The following EP400 variants were observed in gnomAD, a reference collection of about 807,000 sequenced individuals.
EP400 encodes the protein E1A binding protein p400.
A neutral mutation model predicts 354.1 loss-of-function variants in EP400; 105 were observed. That is an observed-to-expected ratio of 0.30 (90% CI 0.25 to 0.35). The LOEUF is 0.35. Ranked by LOEUF, EP400 falls within the 10% of genes least tolerant of loss-of-function variation. EP400 has a pLI of 1.00. For missense variants in EP400, 3,280 were observed against 4,121.0 expected (o/e 0.80, Z 5.59); for synonymous variants, 1,646 against 1,716.9 (o/e 0.96, Z 1.02).
At chr12:132,064,234 A>G (rs1365978637) in intron 47 of EP400, among the ~76,000 whole-genome samples, 2 of 151,510 alleles carry the variant, frequency 1.3e-5, no homozygotes, top group Non-Finnish European at 3.0e-5. Context: ...TTCGTTCCTC[A>G]CTCTGCCCTC....
chr12:131,978,945 G>A (rs370831093), intron 2 of EP400, among the ~76,000 whole-genome samples: 3 of 151,962 alleles, frequency 2.0e-5, no homozygotes, highest in Non-Finnish European at 4.4e-5. Context: ...GGCTGGGTGC[G>A]GTGGCTCACA....
rs755904536 is a variant in EP400 at position 132,055,180 on chromosome 12, C to T, written c.7856C>T (p.Ala2619Val). The T allele has an allele frequency of 6.3e-6, 10 of 1,579,280 alleles. No individual in the cohort carries two copies. The East Asian group carries it at 1.2e-4, about 19-fold the overall frequency. ...TTCCAGTCCATCAACAAGCGCCTGGCGTCGCCAGTGGCTCCTGGGGCCTTG... is the reference window on the plus strand; with the variant it reads ...TTCCAGTCCATCAACAAGCGCCTGGTGTCGCCAGTGGCTCCTGGGGCCTTG... Reference protein sequence around the residue: ...ATFQSINKRLASPVAPGALTT... With the variant: ...ATFQSINKRLVSPVAPGALTT... Residue 2619 changes from alanine to valine, a missense_variant, in exon 45 of 53, where the codon GCG becomes GTG. This residue lies in a region of EP400 where 255 missense variants were observed against 295.9 expected (regional missense o/e 0.86). Coordinates refer to ENST00000389561, the MANE Select transcript of EP400 (RefSeq NM_015409.5).
intron 3 of EP400, among the ~76,000 whole-genome samples, 162 bp downstream of exon 3, chr12:131,979,955 G>A (rs773071002): frequency 6.6e-6 from 1 of 152,146 alleles, no homozygotes; most frequent in East Asian, 1.9e-4. Context: ...CAATATTTAC[G>A]TGAATTTTTC....
chr12:132,033,413 T>C (rs990263254), intron 30 of EP400, among the ~76,000 whole-genome samples: 1 of 152,220 alleles, frequency 6.6e-6, no homozygotes, highest in African/African-American at 2.4e-5. Context: ...GAGCACATCC[T>C]GGGCTCACCT....
In EP400 at chr12:132,054,535, G is replaced by A. The variant is rs986565604; in HGVS notation, c.7729-439G>A. On this transcript the variant is annotated intron_variant, in intron 43 of 52. Transcript: ENST00000389561. The surrounding 1 kb of genome is among the most constrained non-coding windows in gnomAD (Gnocchi z 4.0). ...CTGGCTTGTTAGGAAACACCTTTCT[G>A]AGGACTTGGCATTTGAGCTAAGGCC... Among the ~76,000 whole-genome samples, 1 of 152,198 alleles carries A rather than the reference G, an allele frequency of 6.6e-6. No individual in the cohort carries two copies. Among genetic ancestry groups the A allele is most frequent in the Admixed American group, 6.5e-5 (1 of 15,290 alleles).
intron 1 of EP400, among the ~76,000 whole-genome samples, chr12:131,953,248 C>T (rs1321992996): frequency 6.6e-6 from 1 of 152,022 alleles, no homozygotes; most frequent in African/African-American, 2.4e-5. Context: ...CTTAGCGGGG[C>T]CGTGGAAAAA....
intron 21 of EP400, among the ~76,000 whole-genome samples, chr12:132,019,221 T>C (rs1894041411): frequency 6.6e-6 from 1 of 152,172 alleles, no homozygotes; most frequent in African/African-American, 2.4e-5. Context: ...TAAAAGTTTT[T>C]AATAGAGACA....
intron 7 of EP400, among the ~76,000 whole-genome samples, 199 bp from the exon 8 acceptor site, chr12:131,989,765 A>C (rs1892970196): frequency 6.6e-6 from 1 of 152,244 alleles, no homozygotes; most frequent in African/African-American, 2.4e-5. Context: ...CACTTTCTAG[A>C]AAAGTCAAGC....
intron 48 of EP400, 72 bp downstream of exon 48, chr12:132,064,958 T>C: frequency 6.6e-7 from 1 of 1,521,700 alleles, no homozygotes; most frequent in Non-Finnish European, 8.8e-7. Context: ...TTGCGCTTGC[T>C]CAGGTGCGTG....
At chr12:131,973,525 C>A (rs566956788) in intron 2 of EP400, among the ~76,000 whole-genome samples, 1 of 152,300 alleles carries the variant, frequency 6.6e-6, no homozygotes, top group African/African-American at 2.4e-5. Context: ...TTCCCGTACT[C>A]CCAGCTACTT....
chr12:132,013,266 A>C lies in EP400; in HGVS notation c.3611+88A>C, dbSNP rs868857643. On this transcript the variant is annotated intron_variant, in intron 17 of 52. Coordinates refer to ENST00000389561, the MANE Select transcript of EP400 (RefSeq NM_015409.5). This position sits in a 1 kb window ranked among gnomAD's most constrained non-coding sequence, Gnocchi z 4.5. ...AGAAATCTGCATAATTGCAGACACA[A>C]ACAATGGCCTTTGAGCTAGAGAATT... The C allele has an allele frequency of 6.7e-7, 1 of 1,485,628 alleles. No individual in the cohort carries two copies. The highest frequency in any genetic ancestry group is 1.4e-5 in the African/African-American group (1 of 71,876). The allele number at this position is 1,485,628 out of a possible 1,614,324, so 92.0% of individuals were successfully genotyped here. A position where few individuals can be genotyped will look rare whatever the true frequency, so the allele number is the denominator to read the frequency against.
In EP400 at chr12:131,994,064, C is replaced by A. The variant is rs1893127967; in HGVS notation, c.2738-803C>A. Among the ~76,000 whole-genome samples the A allele has an allele frequency of 6.6e-6, 1 of 152,108 alleles. No individual in the cohort carries two copies. On this transcript the variant is annotated intron_variant, in intron 11 of 52. Transcript: ENST00000389561. This position sits in a 1 kb window ranked among gnomAD's most constrained non-coding sequence, Gnocchi z 4.6. ...AGGCGTTTCCAAGAGGAGGGGATGGCCAGGCCTGTCGTGAGCCACCAGGGT... is the reference window on the plus strand; with the variant it reads ...AGGCGTTTCCAAGAGGAGGGGATGGACAGGCCTGTCGTGAGCCACCAGGGT...
chr12:131,956,871 T>G (rs1464435755), intron 1 of EP400, among the ~76,000 whole-genome samples: 3 of 117,682 alleles, frequency 2.5e-5, no homozygotes. Flanking sequence ...TCTTTTTTTG[T>G]CCTTTTTTTT....
At chr12:131,976,015 C>T (rs1363246409) in intron 2 of EP400, among the ~76,000 whole-genome samples, 1 of 152,148 alleles carries the variant, frequency 6.6e-6, no homozygotes, top group African/African-American at 2.4e-5. Context: ...TTTTTCACAT[C>T]TCCACACTGA....
chr12:131,963,433 C>A, intron 2 of EP400: 1 of 836,222 alleles, frequency 1.2e-6, no homozygotes, highest in Non-Finnish European at 1.9e-6. Flanking sequence ...CATTTTTAAA[C>A]CCCAAATGTC....
rs150961883 is a variant in EP400, at chr12:132,064,790, G to A, written c.8457G>A (p.Pro2819=). The change falls in exon 48 of 53, where the codon CCG becomes CCA. Residue 2819 remains proline, a synonymous_variant. Transcript: ENST00000389561. ...AQVQVQTSQP[P]QQQSPQLTTV... ...TGCAAGTGCAGACCTCGCAGCCGCC[G>A]CAGCAGCAGAGCCCCCAGCTCACGA... 70 of 1,612,886 alleles carry A rather than the reference G, an allele frequency of 4.3e-5. No homozygotes were observed. Among genetic ancestry groups the A allele is most frequent in the East Asian group, 1.1e-4 (5 of 44,872 alleles).
At chr12:132,055,540 A>G (rs558468351) in intron 45 of EP400, among the ~76,000 whole-genome samples, 1 of 66,854 alleles carries the variant, frequency 1.5e-5, no homozygotes, top group Non-Finnish European at 2.7e-5. Context: ...TGTGAGGTGT[A>G]GGGGTTGTGT....
intron 30 of EP400, among the ~76,000 whole-genome samples, chr12:132,034,629 T>C (rs111319909): frequency 0.014 from 2,200 of 152,270 alleles, 46 homozygotes; most frequent in African/African-American, 0.05. Context: ...TCGGGGCAGA[T>C]AGCCCGGCAC....
intron 30 of EP400, among the ~76,000 whole-genome samples, chr12:132,032,359 A>G (rs186669264): frequency 3.3e-5 from 5 of 152,376 alleles, no homozygotes; most frequent in South Asian, 2.1e-4. Context: ...CCTTCAGACA[A>G]ACTTACATTT....
Sources: allele counts gnomAD v4.1 joint callset (sites outside exome capture counted in the v4.1 genomes callset), GRCh38; gene constraint gnomAD v4.1.1; regional missense constraint gnomAD v4.1.1; non-coding constraint Gnocchi (gnomAD v3.1); transcripts MANE v1.5; gene names NCBI Gene and HGNC (gene_info 2026-07-23, HGNC 2026-07-21).